The following ZNF891 variants were observed in gnomAD, a reference collection of about 807,000 sequenced individuals.
ZNF891 encodes the protein zinc finger protein 891, also known as hCG1646157.
For synonymous variants in ZNF891, 199 were observed against 209.0 expected, an observed-to-expected ratio of 0.95 and a Z score of 0.41; for missense variants, 589 against 632.7, an observed-to-expected ratio of 0.93 and a Z score of 0.74.
In ZNF891 at chr12:133,121,822, C is replaced by G; in HGVS notation, c.97G>C (p.Val33Leu). ...RNAEEERMIA[V>L]FLTTWLQEPM... ...TCCTGTAACCAGGTTGTCAGAAATA[C>G]AGCAATCATCCTTTCCTCTTCAGCA... Residue 33 changes from valine to leucine, a missense_variant, in exon 2 of 2, where the codon GTA becomes CTA. By Grantham distance (32) the Val-to-Leu change is conservative. Transcript: ENST00000537226. 1 of 1,536,752 alleles carries G rather than the reference C, an allele frequency of 6.5e-7. No homozygotes were observed. Among genetic ancestry groups the G allele is most frequent in the Non-Finnish European group, 8.7e-7 (1 of 1,147,022 alleles).
In ZNF891 at chr12:133,106,940, T is replaced by A. The variant is rs1265378009; in HGVS notation, c.*13344A>T. ...AAGACTTCATTTGGTAGGAGTCCCT[T>A]ACTTTACGTGTGTAAATTCCTACCA... On this transcript the variant is annotated 3_prime_UTR_variant, in exon 2 of 2. Coordinates refer to ENST00000537226, the MANE Select transcript of ZNF891 (RefSeq NM_001277291.2). 3.4e-5 allele frequency: 8 copies of A among 237,124 alleles called. No individual in the cohort carries two copies. Among genetic ancestry groups the A allele is most frequent in the Admixed American group, 1.5e-4 (3 of 19,822 alleles). 14.7% of individuals were successfully genotyped at this position (237,124 alleles called of 1,614,324 possible).
intron 1 of ZNF891, among the ~76,000 whole-genome samples, chr12:133,128,069 A>C (rs1955833502): frequency 6.6e-6 from 1 of 152,212 alleles, no homozygotes; most frequent in Admixed American, 6.5e-5. Context: ...ATTGTGATTT[A>C]AGGATGTAGA....
At chr12:133,128,278 T>C (rs772106682) in intron 1 of ZNF891, among the ~76,000 whole-genome samples, 12 of 152,190 alleles carry the variant, frequency 7.9e-5, no homozygotes, top group Non-Finnish European at 1.2e-4. Context: ...CTCTTAAAAA[T>C]GTACACACAC....
rs1220954267 is a variant in ZNF891 at position 133,113,650 on chromosome 12, T to C, written c.*6634A>G. ...TTATAAAATCTCAGTTTAAAATTGC[T>C]GGGTTTTAAATATTTAAAGGTTATA... On this transcript the variant is annotated 3_prime_UTR_variant, in exon 2 of 2. Transcript: ENST00000537226. 1 of 152,230 alleles carries C rather than the reference T, an allele frequency of 6.6e-6. No individual in the cohort carries two copies. Among genetic ancestry groups the C allele is most frequent in the Non-Finnish European group, 1.5e-5 (1 of 68,042 alleles). The allele number at this position is 152,230 out of a possible 1,614,324, so 9.4% of individuals were successfully genotyped here.
In ZNF891 at chr12:133,104,798, A is replaced by C. The variant is rs1955523149; in HGVS notation, c.*15486T>G. Reference sequence around the variant, plus strand: ...AACACATTTGATATTAAGACACTTTATTTTTCTGTCCAACTTTCATTTTAG... The same window carrying C: ...AACACATTTGATATTAAGACACTTTCTTTTTCTGTCCAACTTTCATTTTAG... On this transcript the variant is annotated 3_prime_UTR_variant, in exon 2 of 2. Coordinates refer to ENST00000537226, the MANE Select transcript of ZNF891 (RefSeq NM_001277291.2). 6.6e-6 allele frequency among the ~76,000 whole-genome samples: 1 copy of C among 152,118 alleles called. No individual in the cohort carries two copies. Among genetic ancestry groups the C allele is most frequent in the African/African-American group, 2.4e-5 (1 of 41,410 alleles).
Position 133,106,108 on chromosome 12 carries a change from A to C in ZNF891, c.*14176T>G, listed in dbSNP as rs1437065713. ...GAAAGAAACAATATATATGTAGGAA[A>C]TGTGGTAAAGCATTTAGCAGTGGCT... is the stretch of plus-strand genomic sequence containing the variant. On this transcript the variant is annotated 3_prime_UTR_variant, in exon 2 of 2. Transcript: ENST00000537226. 2 of 1,614,208 alleles carry C rather than the reference A, an allele frequency of 1.2e-6. No individual in the cohort carries two copies. The highest frequency in any genetic ancestry group is 1.7e-6 in the Non-Finnish European group (2 of 1,180,032).
At chr12:133,129,097 TG>T (rs1231112113) in intron 1 of ZNF891, among the ~76,000 whole-genome samples, 1 of 152,154 alleles carries the variant, frequency 6.6e-6, no homozygotes, top group East Asian at 1.9e-4. Flanking sequence ...TAAAATAGCA[TG>T]GGCAATTTTA....
chr12:133,106,573 G>A lies in ZNF891; in HGVS notation c.*13711C>T. 1.2e-6 allele frequency: 2 copies of A among 1,613,722 alleles called. No homozygotes were observed. The highest frequency in any genetic ancestry group is 1.7e-6 in the Non-Finnish European group (2 of 1,179,956). ...GGAGCTCAAACCTTGCTAAACATCAGAGGACACACACTCTTGACAACCCCT... is the reference window on the plus strand; with the variant it reads ...GGAGCTCAAACCTTGCTAAACATCAAAGGACACACACTCTTGACAACCCCT... On this transcript the variant is annotated 3_prime_UTR_variant, in exon 2 of 2. Transcript: ENST00000537226.
At chr12:133,129,481 A>G (rs948536683) in intron 1 of ZNF891, among the ~76,000 whole-genome samples, 1 of 150,108 alleles carries the variant, frequency 6.7e-6, no homozygotes, top group African/African-American at 2.5e-5. Flanking sequence ...AGCCTGGGCA[A>G]CAAAGAGCGA....
At chr12:133,123,632 C>T (rs1955785410) in intron 1 of ZNF891, among the ~76,000 whole-genome samples, 1 of 151,588 alleles carries the variant, frequency 6.6e-6, no homozygotes. Context: ...CACTTGAGCC[C>T]AGGAGGTTGA....
chr12:133,126,947 G>T (rs563861519), intron 1 of ZNF891, among the ~76,000 whole-genome samples: 343 of 142,414 alleles, frequency 2.4e-3, no homozygotes, highest in African/African-American at 8.3e-3. Flanking sequence ...ACAAGAGGAA[G>T]AAACAAACAA....
Position 133,106,173 on chromosome 12 carries a change from A to C in ZNF891, c.*14111T>G, listed in dbSNP as rs1955585900. ...CACCAGATTACACATACTGGAGAGA[A>C]ACCTTATGAATGCATTGAATGTGGG... On this transcript the variant is annotated 3_prime_UTR_variant, in exon 2 of 2. Transcript: ENST00000537226. The C allele has an allele frequency of 6.2e-7, 1 of 1,614,214 alleles. No homozygotes were observed. Among genetic ancestry groups the C allele is most frequent in the Non-Finnish European group, 8.5e-7 (1 of 1,180,028 alleles).
chr12:133,121,241 C>A lies in ZNF891; in HGVS notation c.678G>T (p.Leu226Phe), dbSNP rs1350441145. The A allele has an allele frequency of 2.6e-6, 4 of 1,535,546 alleles. No homozygotes were observed. Among genetic ancestry groups the A allele is most frequent in the Admixed American group, 3.9e-5 (2 of 50,976 alleles). The change falls in exon 2 of 2, where the codon TTG becomes TTT. Residue 226 changes from leucine (L) to phenylalanine (F), a missense_variant. By Grantham distance (22) the Leu-to-Phe change is conservative. Coordinates refer to ENST00000537226, the MANE Select transcript of ZNF891 (RefSeq NM_001277291.2). ...AATTGTTTATGATTGAATTGTGTTTCAAACATCCAATCTCTGAGTAACATT... is the reference window on the plus strand; with the variant it reads ...AATTGTTTATGATTGAATTGTGTTTAAAACATCCAATCTCTGAGTAACATT... ...CQKCYSEIGC[L>F]KHNSIINNYV...
At chr12:133,122,218 A>C in intron 1 of ZNF891, 194 bp from the exon 2 acceptor site, 3 of 1,064,586 alleles carry the variant, frequency 2.8e-6, no homozygotes, top group Non-Finnish European at 3.4e-6. Flanking sequence ...TGCCATCCTG[A>C]TTCTTTGTAC....
At position 133,105,424 on chromosome 12, in the gene ZNF891, A is replaced by G. The variant is rs1044486092; in HGVS notation, c.*14860T>C. 11 of 1,389,248 alleles carry G rather than the reference A, an allele frequency of 7.9e-6. 1 individual carries two copies. The East Asian group carries it at 2.2e-4, about 28-fold the overall frequency. 86.1% of individuals were successfully genotyped at this position (1,389,248 alleles called of 1,614,324 possible). A position where few individuals can be genotyped will look rare whatever the true frequency, so the allele number is the denominator to read the frequency against. The stretch of plus-strand genomic sequence containing the variant: ...TATTGATAAGATTTTTTGAAACTTC[A>G]TTCTGTTGCTAAAGAAGGGAGAAAT... On this transcript the variant is annotated 3_prime_UTR_variant, in exon 2 of 2. Transcript: ENST00000537226.
rs1955619308 is a variant in ZNF891 at position 133,106,861 on chromosome 12, TA to T, written c.*13422del. 2.4e-6 allele frequency: 1 copy of T among 422,728 alleles called. No homozygotes were observed. Among genetic ancestry groups the T allele is most frequent in the African/African-American group, 2.1e-5 (1 of 48,646 alleles). 26.2% of individuals were successfully genotyped at this position (422,728 alleles called of 1,614,324 possible). ...TAACCACTCTTTTATTTTTTTGCAATAACAAGGTGAAATCAATATTGTTGAG... is the reference window on the plus strand; with the variant it reads ...TAACCACTCTTTTATTTTTTTGCAATACAAGGTGAAATCAATATTGTTGAG... On this transcript the variant is annotated 3_prime_UTR_variant, in exon 2 of 2. Coordinates refer to ENST00000537226, the MANE Select transcript of ZNF891 (RefSeq NM_001277291.2).
rs1955674010 is a variant in ZNF891 at position 133,110,314 on chromosome 12, A to G, written c.*9970T>C. The G allele has an allele frequency of 6.6e-6, 1 of 152,202 alleles. No individual in the cohort carries two copies. The highest frequency in any genetic ancestry group is 2.1e-4 in the South Asian group (1 of 4,834). The allele number at this position is 152,202 out of a possible 1,614,324, so 9.4% of individuals were successfully genotyped here. On this transcript the variant is annotated 3_prime_UTR_variant, in exon 2 of 2. Transcript: ENST00000537226. ...GGCTCTCATGATCTGGGGACTGGTT[A>G]AGTGTGTTCTATTTGGGGAAATTCA...
rs1388039519 is a variant in ZNF891, at chr12:133,111,673, A to G, written c.*8611T>C. 1 of 152,212 alleles carries G rather than the reference A, an allele frequency of 6.6e-6. No homozygotes were observed. Among genetic ancestry groups the G allele is most frequent in the Non-Finnish European group, 1.5e-5 (1 of 68,042 alleles). 9.4% of individuals were successfully genotyped at this position (152,212 alleles called of 1,614,324 possible). ...ACTGTGCTCATAGGTAGAAAATATA[A>G]TTTTATGTATTTGACATGCATTTCT... On this transcript the variant is annotated 3_prime_UTR_variant, in exon 2 of 2. Coordinates refer to ENST00000537226, the MANE Select transcript of ZNF891 (RefSeq NM_001277291.2).
Position 133,106,947 on chromosome 12 carries a change from C to A in ZNF891, c.*13337G>T. The A allele has an allele frequency of 4.5e-6, 1 of 220,794 alleles. No individual in the cohort carries two copies. Among genetic ancestry groups the A allele is most frequent in the Non-Finnish European group, 9.0e-6 (1 of 111,684 alleles). The allele number at this position is 220,794 out of a possible 1,614,324, so 13.7% of individuals were successfully genotyped here. A position where few individuals can be genotyped will look rare whatever the true frequency, so the allele number is the denominator to read the frequency against. Reference sequence around the variant, plus strand: ...CATTTGGTAGGAGTCCCTTACTTTACGTGTGTAAATTCCTACCAGGAAAGA... The same window carrying A: ...CATTTGGTAGGAGTCCCTTACTTTAAGTGTGTAAATTCCTACCAGGAAAGA... On this transcript the variant is annotated 3_prime_UTR_variant, in exon 2 of 2. Transcript: ENST00000537226.
Sources: allele counts gnomAD v4.1 joint callset (sites outside exome capture counted in the v4.1 genomes callset), GRCh38; gene constraint gnomAD v4.1.1; transcripts MANE v1.5; gene names NCBI Gene and HGNC (gene_info 2026-07-23, HGNC 2026-07-21).